LDB2: variants seen among roughly 807,000 people sequenced by gnomAD.
LDB2 encodes LIM domain-binding protein 2.
LDB2 carries 12 observed loss-of-function variants against 44.3 expected under a neutral mutation model. That is an observed-to-expected ratio of 0.27 (90% CI 0.17 to 0.44). LDB2 has a LOEUF of 0.44. Among genes scored for constraint, LDB2 ranks in the 20% least tolerant of loss-of-function variants. LDB2 has a pLI of 1.00. For missense variants in LDB2, 344 were observed against 473.5 expected (o/e 0.73, Z 2.54); for synonymous variants, 164 against 174.8 (o/e 0.94, Z 0.49).
At chr4:16,803,635 T>A (rs2109774922) in intron 1 of LDB2, among the ~76,000 whole-genome samples, 1 of 152,280 alleles carries the variant, frequency 6.6e-6, no homozygotes, top group African/African-American at 2.4e-5. Flanking sequence ...CCATATATCA[T>A]GAGAAATATA....
At chr4:16,723,698 T>A (rs1383803666) in intron 2 of LDB2, among the ~76,000 whole-genome samples, 1 of 152,160 alleles carries the variant, frequency 6.6e-6, no homozygotes, top group Non-Finnish European at 1.5e-5. Context: ...TTTCTTGTCA[T>A]GCCAAGCAGA....
At chr4:16,738,271 G>A (rs73125879) in intron 2 of LDB2, among the ~76,000 whole-genome samples, 9,119 of 152,150 alleles carry the variant, frequency 0.06, 290 homozygotes, top group African/African-American at 0.073. Context: ...TGGATACACC[G>A]CTGCTCCTCA....
chr4:16,631,328 A>G (rs1052065532), intron 2 of LDB2, among the ~76,000 whole-genome samples: 15 of 152,322 alleles, frequency 9.8e-5, no homozygotes, highest in South Asian at 4.1e-4. Flanking sequence ...CTGCTCCTGA[A>G]TGACTACTGG....
chr4:16,689,284 A>G (rs1750011461), intron 2 of LDB2, among the ~76,000 whole-genome samples: 1 of 152,144 alleles, frequency 6.6e-6, no homozygotes, highest in Admixed American at 6.5e-5. Flanking sequence ...CCGCTCCCCA[A>G]TTTTCTGCCA....
intron 1 of LDB2, among the ~76,000 whole-genome samples, chr4:16,788,657 G>A (rs1033433126): frequency 3.9e-5 from 6 of 152,192 alleles, no homozygotes; most frequent in Non-Finnish European, 8.8e-5. Context: ...ATAGCAGAAG[G>A]GTGAGCACTG....
intron 2 of LDB2, among the ~76,000 whole-genome samples, chr4:16,614,594 A>G (rs1344921713): frequency 6.6e-6 from 1 of 151,442 alleles, no homozygotes; most frequent in South Asian, 2.1e-4. Context: ...AAAAAAAAAA[A>G]AAAAAAACAA....
chr4:16,778,840 T>C (rs180809460), intron 1 of LDB2, among the ~76,000 whole-genome samples: 5 of 152,300 alleles, frequency 3.3e-5, no homozygotes, highest in South Asian at 2.1e-4. Context: ...TAGACAAATA[T>C]ATAACAAAGT....
intron 1 of LDB2, among the ~76,000 whole-genome samples, chr4:16,795,193 A>G (rs543591327): frequency 6.6e-6 from 1 of 152,354 alleles, no homozygotes; most frequent in Admixed American, 6.5e-5. Flanking sequence ...AGATTCTTCC[A>G]GAAACACCTG....
intron 2 of LDB2, among the ~76,000 whole-genome samples, chr4:16,676,118 A>T (rs975773537): frequency 1.3e-5 from 2 of 152,154 alleles, no homozygotes; most frequent in African/African-American, 2.4e-5. Context: ...GACACACTTA[A>T]TTTCCCACCG....
At chr4:16,713,960 T>A (rs553998871) in intron 2 of LDB2, among the ~76,000 whole-genome samples, 12 of 152,310 alleles carry the variant, frequency 7.9e-5, no homozygotes, top group Admixed American at 3.9e-4. Flanking sequence ...AAATGACAAA[T>A]GTTAGGTCAA....
intron 5 of LDB2, among the ~76,000 whole-genome samples, chr4:16,565,290 T>C (rs2152387927): frequency 6.6e-6 from 1 of 152,276 alleles, no homozygotes; most frequent in East Asian, 1.9e-4. Flanking sequence ...TTGATGCATG[T>C]AAAGAAATTA....
chr4:16,565,742 A>T (rs1744270969), intron 5 of LDB2, among the ~76,000 whole-genome samples: 1 of 151,974 alleles, frequency 6.6e-6, no homozygotes, highest in South Asian at 2.1e-4. Context: ...AACATCCAAG[A>T]GGGTAAACTA....
chr4:16,671,207 G>A (rs1261121951), intron 2 of LDB2, among the ~76,000 whole-genome samples: 2 of 151,962 alleles, frequency 1.3e-5, no homozygotes, highest in Non-Finnish European at 2.9e-5. Flanking sequence ...AAATCTAGGT[G>A]TACCCTTGAG....
chr4:16,595,246 A>C (rs1288843984), intron 3 of LDB2, among the ~76,000 whole-genome samples: 1 of 152,002 alleles, frequency 6.6e-6, no homozygotes, highest in African/African-American at 2.4e-5. Context: ...TAAAGTTTTT[A>C]TGTTCCTTAC....
At chr4:16,743,057 A>C (rs559318856) in intron 2 of LDB2, among the ~76,000 whole-genome samples, 1 of 152,112 alleles carries the variant, frequency 6.6e-6, no homozygotes, top group Non-Finnish European at 1.5e-5. Flanking sequence ...TGGGAGCACA[A>C]GGTGGGTGGA....
intron 5 of LDB2, among the ~76,000 whole-genome samples, chr4:16,535,498 A>T (rs892401887): frequency 6.6e-6 from 1 of 152,226 alleles, no homozygotes; most frequent in African/African-American, 2.4e-5. Flanking sequence ...TAAACAAAGC[A>T]GACATAGTCC....
chr4:16,821,391 T>TA lies in LDB2; in HGVS notation c.133-62132_133-62131insT, dbSNP rs1561345888. 9.4e-4 allele frequency among the ~76,000 whole-genome samples: 131 copies of TA among 139,394 alleles called. 2 individuals are homozygous for TA. The highest frequency in any genetic ancestry group is 2.2e-3 in the Admixed American group (31 of 13,938). The allele number at this position is 139,394 out of a possible 152,430, so 91.4% of individuals were successfully genotyped here. ...GAATATTTGAATTTTTTTTTTATTT[T>TA]TTTTTTTTTGGAGACGGAGTCTCGC... On this transcript the variant is annotated intron_variant, in intron 1 of 7. Coordinates refer to ENST00000304523, the MANE Select transcript of LDB2 (RefSeq NM_001290.5).
intron 1 of LDB2, among the ~76,000 whole-genome samples, chr4:16,885,203 G>C (rs1449661510): frequency 6.6e-6 from 1 of 150,632 alleles, no homozygotes; most frequent in African/African-American, 2.4e-5. Flanking sequence ...AAATGTCGTG[G>C]TGCATGCCTG....
chr4:16,884,447 C>T (rs1318397001), intron 1 of LDB2, among the ~76,000 whole-genome samples: 1 of 152,148 alleles, frequency 6.6e-6, no homozygotes, highest in East Asian at 1.9e-4. Flanking sequence ...TCCAGGCCTA[C>T]ACACACAATC....
Sources: gnomAD v4.1 joint callset for allele counts (sites outside exome capture counted in the v4.1 genomes callset) on GRCh38, gnomAD v4.1.1 for gene constraint, MANE v1.5 for transcripts, NCBI Gene and HGNC (gene_info 2026-07-23, HGNC 2026-07-21) for gene names.